The following LDLRAD4 variants were observed in gnomAD, a reference collection of about 807,000 sequenced individuals.
LDLRAD4 encodes low density lipoprotein receptor class A domain containing 4, also known as low-density lipoprotein receptor class A domain-containing protein 4.
In LDLRAD4, 5 loss-of-function variants were observed where a neutral mutation model predicts 17.0. The observed-to-expected ratio is 0.29, with a 90% confidence interval of 0.15 to 0.62. LDLRAD4 has a LOEUF of 0.62. LDLRAD4 is among the 20% of genes least tolerant of loss of function. LDLRAD4 has a pLI of 0.84. For synonymous variants in LDLRAD4, 168 were observed against 171.8 expected (o/e 0.98, Z 0.17); for missense variants, 340 against 424.7 (o/e 0.80, Z 1.75).
At chr18:13,310,855 CAG>C (rs920142639) in intron 1 of LDLRAD4, among the ~76,000 whole-genome samples, 9 of 152,126 alleles carry the variant, frequency 5.9e-5, no homozygotes, top group African/African-American at 1.9e-4. Flanking sequence ...AGAAATTTTG[CAG>C]AGTCAGACTT....
intron 1 of LDLRAD4, among the ~76,000 whole-genome samples, chr18:13,238,882 G>A (rs2042473638): frequency 6.6e-6 from 1 of 152,038 alleles, no homozygotes; most frequent in Non-Finnish European, 1.5e-5. Context: ...GTGGGAGAGG[G>A]GACATTAAGA....
intron 3 of LDLRAD4, among the ~76,000 whole-genome samples, chr18:13,481,953 G>A (rs2093098139): frequency 6.6e-6 from 1 of 152,156 alleles, no homozygotes; most frequent in South Asian, 2.1e-4. Context: ...GCGGAGCAGG[G>A]CTGGAGTGGG....
intron 3 of LDLRAD4, chr18:13,472,744 T>A (rs533189985): frequency 6.6e-6 from 1 of 152,382 alleles, no homozygotes; most frequent in African/African-American, 2.4e-5. Context: ...GTTAATACAC[T>A]GCAGAATGTT....
intron 1 of LDLRAD4, among the ~76,000 whole-genome samples, chr18:13,335,907 T>C (rs1228154301): frequency 6.6e-6 from 1 of 152,232 alleles, no homozygotes; most frequent in Non-Finnish European, 1.5e-5. Context: ...GTAGTGTTAC[T>C]ATAAAGTACT....
intron 3 of LDLRAD4, chr18:13,612,425 G>C (rs994687860): frequency 4.0e-6 from 5 of 1,257,692 alleles, no homozygotes; most frequent in Non-Finnish European, 5.0e-6. Flanking sequence ...GGTTTCTGTT[G>C]ATGGCAGTTG....
intron 3 of LDLRAD4, among the ~76,000 whole-genome samples, chr18:13,596,439 C>T (rs1308147539): frequency 6.6e-6 from 1 of 151,874 alleles, no homozygotes; most frequent in African/African-American, 2.4e-5. Flanking sequence ...TCCTCTATTC[C>T]TCCTATACTG....
At chr18:13,575,024 A>G (rs1047151829) in intron 3 of LDLRAD4, among the ~76,000 whole-genome samples, 2 of 152,084 alleles carry the variant, frequency 1.3e-5, no homozygotes, top group African/African-American at 2.4e-5. Flanking sequence ...ACAAACAAAA[A>G]CCTAAAAAAC....
chr18:13,643,099 C>G (rs998788535), intron 4 of LDLRAD4, among the ~76,000 whole-genome samples: 1 of 151,994 alleles, frequency 6.6e-6, no homozygotes, highest in Non-Finnish European at 1.5e-5. Flanking sequence ...CCACGCCCAA[C>G]TAATGTTTGT....
At chr18:13,530,275 C>T (rs2094107185) in intron 3 of LDLRAD4, among the ~76,000 whole-genome samples, 1 of 152,170 alleles carries the variant, frequency 6.6e-6, no homozygotes, top group Non-Finnish European at 1.5e-5. Flanking sequence ...GAGGAAGGAA[C>T]ACATGTTCGT....
intron 1 of LDLRAD4, among the ~76,000 whole-genome samples, chr18:13,341,413 T>A (rs2082367834): frequency 6.6e-6 from 1 of 152,138 alleles, no homozygotes; most frequent in Admixed American, 6.5e-5. Context: ...TCATCAACAT[T>A]TATAGTTTTT....
rs57943534 is a variant in LDLRAD4 at position 13,422,535 on chromosome 18, CAA to C, written c.41-15695_41-15694del. Among the ~76,000 whole-genome samples the C allele has an allele frequency of 3.9e-4, 47 of 119,436 alleles. 1 individual carries two copies. The highest frequency in any genetic ancestry group is 5.6e-4 in the African/African-American group (19 of 33,904). The allele number at this position is 119,436 out of a possible 152,430, so 78.4% of individuals were successfully genotyped here. A position where few individuals can be genotyped will look rare whatever the true frequency, so the allele number is the denominator to read the frequency against. ...AACATATTGAGACCCCCATCTCTACCAAAAAAAAAAAAAAAGGCCAAGTGTGA... is the reference window on the plus strand; with the variant it reads ...AACATATTGAGACCCCCATCTCTACCAAAAAAAAAAAAAGGCCAAGTGTGA... On this transcript the variant is annotated intron_variant, in intron 2 of 5. Transcript: ENST00000359446.
chr18:13,600,620 C>G lies in LDLRAD4; in HGVS notation c.182-20497C>G, dbSNP rs568493988. On this transcript the variant is annotated intron_variant, in intron 3 of 5. Transcript: ENST00000359446. The stretch of plus-strand genomic sequence containing the variant: ...TTTGTCTGTTTGAGCTAAAAATCAC[C>G]AAGAAGACCATGTGTGACCAAATTG... Among the ~76,000 whole-genome samples, 8 of 152,314 alleles carry G rather than the reference C, an allele frequency of 5.3e-5. No individual in the cohort carries two copies. In the South Asian group the frequency reaches 1.5e-3, roughly 28 times the overall value.
intron 1 of LDLRAD4, among the ~76,000 whole-genome samples, chr18:13,260,751 G>A (rs2043773162): frequency 6.6e-6 from 1 of 152,122 alleles, no homozygotes; most frequent in Non-Finnish European, 1.5e-5. Context: ...TCTATGGCAG[G>A]TCCATCCTTG....
At chr18:13,483,628 T>C (rs2093149655) in intron 3 of LDLRAD4, among the ~76,000 whole-genome samples, 1 of 152,172 alleles carries the variant, frequency 6.6e-6, no homozygotes, top group Non-Finnish European at 1.5e-5. Flanking sequence ...AGCTAGGATG[T>C]GTTTGCCGGA....
At chr18:13,504,948 T>C (rs890372431) in intron 3 of LDLRAD4, among the ~76,000 whole-genome samples, 1 of 152,038 alleles carries the variant, frequency 6.6e-6, no homozygotes, top group Non-Finnish European at 1.5e-5. Flanking sequence ...GAGGGGTGGA[T>C]GGAGAGGGTG....
chr18:13,442,138 A>T (rs764014197), intron 3 of LDLRAD4, among the ~76,000 whole-genome samples: 13 of 152,262 alleles, frequency 8.5e-5, no homozygotes, highest in Non-Finnish European at 1.8e-4. Context: ...TATACAAATT[A>T]TTCCTTATAC....
intron 3 of LDLRAD4, among the ~76,000 whole-genome samples, chr18:13,441,547 G>A (rs987271633): frequency 2.0e-5 from 3 of 152,252 alleles, no homozygotes; most frequent in Non-Finnish European, 4.4e-5. Context: ...TGAGGCTGAA[G>A]CGAGGTGAGA....
intron 1 of LDLRAD4, among the ~76,000 whole-genome samples, chr18:13,236,761 A>G (rs1436513398): frequency 6.6e-6 from 1 of 152,078 alleles, no homozygotes; most frequent in Non-Finnish European, 1.5e-5. Flanking sequence ...CTGGTGTTCC[A>G]TGTCGGACTT....
rs759355562 is a variant in LDLRAD4, at chr18:13,367,538, C to T, written c.-382-19803C>T. Reference sequence around the variant, plus strand: ...TCCGTCCAGGCGGAGAGCCAGGGCCCGGGTGCTGCAGCAAGGCGGCTGTGG... The same window carrying T: ...TCCGTCCAGGCGGAGAGCCAGGGCCTGGGTGCTGCAGCAAGGCGGCTGTGG... On this transcript the variant is annotated intron_variant, in intron 1 of 5. Coordinates refer to ENST00000359446, the Ensembl canonical transcript of LDLRAD4. The surrounding 1 kb of genome is among the most constrained non-coding windows in gnomAD (Gnocchi z 4.1). 1.3e-5 allele frequency among the ~76,000 whole-genome samples: 2 copies of T among 152,138 alleles called. No homozygotes were observed. Among genetic ancestry groups the T allele is most frequent in the Non-Finnish European group, 2.9e-5 (2 of 68,036 alleles).
Sources: gnomAD v4.1 joint callset for allele counts (sites outside exome capture counted in the v4.1 genomes callset) on GRCh38, gnomAD v4.1.1 for gene constraint, Gnocchi (gnomAD v3.1) non-coding constraint, MANE v1.5 for transcripts, NCBI Gene and HGNC (gene_info 2026-07-23, HGNC 2026-07-21) for gene names.